The following CDS1 variants were observed in gnomAD, a reference collection of about 807,000 sequenced individuals.
CDS1 encodes the protein CDP-diacylglycerol synthase 1.
In CDS1, 41 loss-of-function variants were observed where a neutral mutation model predicts 62.1. The observed-to-expected ratio is 0.66, with a 90% CI of 0.51 to 0.86. The LOEUF (loss-of-function observed/expected upper bound fraction) is 0.86, where lower values mean the gene tolerates loss of function less well. CDS1 is among the 40% of genes least tolerant of loss of function. The pLI is 0.00. For missense variants in CDS1, 470 were observed against 550.1 expected (o/e 0.85, Z 1.46); for synonymous variants, 185 against 192.6 (o/e 0.96, Z 0.32).
intron 5 of CDS1, among the ~76,000 whole-genome samples, chr4:84,624,773 T>C (rs1723804532): frequency 6.6e-6 from 1 of 152,188 alleles, no homozygotes; most frequent in Admixed American, 6.5e-5. Flanking sequence ...ATATTTTGTC[T>C]TTCATAGCCT....
chr4:84,627,407 C>T (rs534150634), intron 5 of CDS1, among the ~76,000 whole-genome samples: 2 of 152,114 alleles, frequency 1.3e-5, no homozygotes, highest in African/African-American at 4.8e-5. Flanking sequence ...AATAATAAAA[C>T]AAACGTTTTC....
chr4:84,602,200 G>T (rs926193425), intron 1 of CDS1, among the ~76,000 whole-genome samples: 5 of 152,092 alleles, frequency 3.3e-5, no homozygotes, highest in African/African-American at 1.2e-4. Flanking sequence ...AAATTGTCTT[G>T]TATTCTTTAA....
rs1211695238 is a variant in CDS1, at chr4:84,648,664, T to C, written c.1364T>C (p.Leu455Pro). 6.2e-7 allele frequency: 1 copy of C among 1,613,516 alleles called. No homozygotes were observed. The highest frequency in any genetic ancestry group is 8.5e-7 in the Non-Finnish European group (1 of 1,179,662). Residue 455 changes from leucine (L) to proline (P), a missense_variant, in exon 13 of 13, where the codon CTA becomes CCA. Transcript: ENST00000295887. ...LKTHLIEKGILQPTLKV is the reference protein window; with the variant it reads ...LKTHLIEKGIPQPTLKV Reference sequence around the variant, plus strand: ...ACTCATCTCATTGAGAAAGGAATCCTACAACCCACCTTGAAGGTATAACTG... The same window carrying C: ...ACTCATCTCATTGAGAAAGGAATCCCACAACCCACCTTGAAGGTATAACTG...
intron 1 of CDS1, among the ~76,000 whole-genome samples, 182 bp downstream of exon 1, chr4:84,583,700 A>C (rs1216302513): frequency 1.3e-5 from 2 of 152,070 alleles, no homozygotes; most frequent in African/African-American, 2.4e-5. Context: ...CCGGGATCCC[A>C]GTGGCGGTGA....
intron 3 of CDS1, among the ~76,000 whole-genome samples, chr4:84,617,072 T>C (rs1723518765): frequency 6.6e-6 from 1 of 152,208 alleles, no homozygotes; most frequent in Non-Finnish European, 1.5e-5. Flanking sequence ...CTAGAAAGTG[T>C]TCTAACTATT....
At chr4:84,608,632 T>C (rs749886459) in intron 2 of CDS1, among the ~76,000 whole-genome samples, 10 of 152,176 alleles carry the variant, frequency 6.6e-5, no homozygotes, top group Non-Finnish European at 1.2e-4. Context: ...CACTGTTCTT[T>C]CCAGTTTTAG....
chr4:84,614,953 G>A (rs1167148466), intron 3 of CDS1, among the ~76,000 whole-genome samples: 5 of 152,138 alleles, frequency 3.3e-5, no homozygotes, highest in African/African-American at 9.7e-5. Flanking sequence ...TAGAGTCATG[G>A]CACATTGTTG....
chr4:84,638,546 CATTCTT>C (rs1349387224), intron 8 of CDS1, among the ~76,000 whole-genome samples: 1 of 152,252 alleles, frequency 6.6e-6, no homozygotes, highest in East Asian at 1.9e-4. Flanking sequence ...GAATACGTCT[CATTCTT>C]ATTCCAAGAA....
intron 3 of CDS1, among the ~76,000 whole-genome samples, chr4:84,613,661 G>T (rs1723401362): frequency 6.6e-6 from 1 of 152,074 alleles, no homozygotes; most frequent in Non-Finnish European, 1.5e-5. Context: ...ATTTTAATAT[G>T]GAATGCATAC....
intron 9 of CDS1, 59 bp downstream of exon 9, chr4:84,639,051 TG>T: frequency 1.3e-6 from 1 of 775,146 alleles, no homozygotes; most frequent in Non-Finnish European, 2.0e-6. Context: ...CCAAGCTTAC[TG>T]GTCTAATTTT....
At chr4:84,637,644 A>T (rs1487295790) in intron 8 of CDS1, among the ~76,000 whole-genome samples, 2 of 152,204 alleles carry the variant, frequency 1.3e-5, no homozygotes, top group African/African-American at 4.8e-5. Flanking sequence ...GATCCAAACC[A>T]TATCAGAAGC....
Position 84,594,784 on chromosome 4 carries a change from A to G in CDS1, c.118-9459A>G, listed in dbSNP as rs373911710. ...AGTTGGCTCTCCATATCTATGGGTC[A>G]TTGCTCACTGCAGGCTCAACTTCCC... On this transcript the variant is annotated intron_variant, in intron 1 of 12. Coordinates refer to ENST00000295887, the MANE Select transcript of CDS1 (RefSeq NM_001263.4). 4.6e-5 allele frequency among the ~76,000 whole-genome samples: 7 copies of G among 152,196 alleles called. No homozygotes were observed. The East Asian group carries it at 1.4e-3, about 29-fold the overall frequency.
intron 5 of CDS1, 48 bp downstream of exon 5, chr4:84,619,581 A>T: frequency 2.6e-6 from 3 of 1,144,494 alleles, no homozygotes; most frequent in South Asian, 4.4e-5. Context: ...CATATTTTCC[A>T]TGTTTATTTT....
At position 84,585,663 on chromosome 4, in the gene CDS1, C is replaced by G. The variant is rs76245273; in HGVS notation, c.117+2145C>G. On this transcript the variant is annotated intron_variant, in intron 1 of 12. Coordinates refer to ENST00000295887, the MANE Select transcript of CDS1 (RefSeq NM_001263.4). ...ATTATAATACACTCCCATGCATTGC[C>G]ATTTTGTAGTCTTTTAATAATGGTG... 1.1e-3 allele frequency among the ~76,000 whole-genome samples: 164 copies of G among 152,268 alleles called. 1 individual carries two copies. In the East Asian group the frequency reaches 0.03, roughly 28 times the overall value.
intron 2 of CDS1, among the ~76,000 whole-genome samples, chr4:84,607,868 C>T (rs1273271592): frequency 6.6e-6 from 1 of 152,024 alleles, no homozygotes. Flanking sequence ...TCAGAAAAGT[C>T]CTAAAGAAAA....
At chr4:84,590,002 G>A (rs770492495) in intron 1 of CDS1, among the ~76,000 whole-genome samples, 4 of 152,090 alleles carry the variant, frequency 2.6e-5, no homozygotes, top group Non-Finnish European at 2.9e-5. Context: ...TAGTAGAGAC[G>A]GGGTTTCACA....
chr4:84,611,286 G>A (rs184692839), intron 3 of CDS1, among the ~76,000 whole-genome samples: 54 of 152,312 alleles, frequency 3.5e-4, no homozygotes, highest in Non-Finnish European at 6.5e-4. Context: ...CCTGCCCTCC[G>A]GGGTGCCCTG....
At chr4:84,599,731 T>C (rs1035139139) in intron 1 of CDS1, among the ~76,000 whole-genome samples, 5 of 152,100 alleles carry the variant, frequency 3.3e-5, no homozygotes, top group Admixed American at 1.3e-4. Flanking sequence ...CACTTATTTT[T>C]ATCACAAGAG....
intron 2 of CDS1, among the ~76,000 whole-genome samples, chr4:84,608,386 G>C (rs138419263): frequency 0.032 from 4,892 of 152,250 alleles, 115 homozygotes; most frequent in East Asian, 0.057. Flanking sequence ...GTGTTAGCCA[G>C]GATGGTCTCG....
Sources: gnomAD v4.1 joint callset for allele counts (sites outside exome capture counted in the v4.1 genomes callset) on GRCh38, gnomAD v4.1.1 for gene constraint, MANE v1.5 for transcripts, NCBI Gene and HGNC (gene_info 2026-07-23, HGNC 2026-07-21) for gene names.